The following MECOM variants were observed in gnomAD, a reference collection of about 807,000 sequenced individuals.
MECOM encodes the protein histone-lysine N-methyltransferase MECOM.
Under a neutral mutation model 116.3 loss-of-function variants are expected in MECOM, and 13 were observed. The observed-to-expected ratio is 0.11, with a 90% CI of 0.07 to 0.18. The LOEUF (loss-of-function observed/expected upper bound fraction) is 0.18, where lower values mean the gene tolerates loss of function less well. MECOM is among the 10% of genes least tolerant of loss of function. The pLI, the probability that MECOM is intolerant of heterozygous loss-of-function variation, is 1.00. For synonymous variants in MECOM, 528 were observed against 535.2 expected (o/e 0.99, Z 0.19); for missense variants, 1,299 against 1,509.0 (o/e 0.86, Z 2.31).
intron 1 of MECOM, among the ~76,000 whole-genome samples, chr3:169,416,844 C>A (rs1433022275): frequency 6.6e-6 from 1 of 152,082 alleles, no homozygotes; most frequent in Non-Finnish European, 1.5e-5. Flanking sequence ...CTGACAAAAA[C>A]AAGCAATGGG....
chr3:169,450,264 C>T (rs575106885), intron 1 of MECOM, among the ~76,000 whole-genome samples: 35 of 152,146 alleles, frequency 2.3e-4, no homozygotes, highest in African/African-American at 6.7e-4. Flanking sequence ...GAAGACTGTA[C>T]GGGAAATTCA....
At chr3:169,302,010 G>C (rs1348883432) in intron 2 of MECOM, among the ~76,000 whole-genome samples, 1 of 152,168 alleles carries the variant, frequency 6.6e-6, no homozygotes, top group African/African-American at 2.4e-5. Context: ...GGGGTTTTTA[G>C]TGAATATATG....
intron 2 of MECOM, among the ~76,000 whole-genome samples, chr3:169,364,384 T>C (rs1365552757): frequency 6.6e-6 from 1 of 151,998 alleles, no homozygotes; most frequent in Non-Finnish European, 1.5e-5. Flanking sequence ...TATATTAAAC[T>C]TGTTTATTAC....
chr3:169,172,835 C>T (rs1744636843), intron 2 of MECOM, among the ~76,000 whole-genome samples: 1 of 152,082 alleles, frequency 6.6e-6, no homozygotes, highest in Admixed American at 6.5e-5. Context: ...CTTCAATGTG[C>T]ATCAGCTTCT....
intron 1 of MECOM, among the ~76,000 whole-genome samples, chr3:169,579,711 T>C (rs1306924219): frequency 6.6e-6 from 1 of 152,218 alleles, no homozygotes; most frequent in South Asian, 2.1e-4. Flanking sequence ...GAATTCTTCC[T>C]AGCTGGGCCC....
At chr3:169,565,766 GAGTGTACACCTCA>G (rs577438939) in intron 1 of MECOM, among the ~76,000 whole-genome samples, 1 of 152,290 alleles carries the variant, frequency 6.6e-6, no homozygotes, top group Non-Finnish European at 1.5e-5. Flanking sequence ...AATCTGCCTA[GAGTGTACACCTCA>G]AGTAGTTATT....
At chr3:169,224,177 A>G (rs1435693219) in intron 2 of MECOM, among the ~76,000 whole-genome samples, 1 of 152,070 alleles carries the variant, frequency 6.6e-6, no homozygotes, top group Admixed American at 6.5e-5. Context: ...GGAGATAGAG[A>G]ACGTCAGCTC....
intron 2 of MECOM, among the ~76,000 whole-genome samples, chr3:169,297,091 G>C (rs1715757577): frequency 6.6e-6 from 1 of 152,164 alleles, no homozygotes; most frequent in Admixed American, 6.5e-5. Flanking sequence ...ACTGCAGATA[G>C]ACAAAGCCAG....
In MECOM at chr3:169,483,907, C is replaced by T. The variant is rs997875016; in HGVS notation, c.38-102383G>A. 2.5e-5 allele frequency: 41 copies of T among 1,609,180 alleles called. No individual in the cohort carries two copies. The African/African-American group carries it at 3.5e-4, about 14-fold the overall frequency. On this transcript the variant is annotated intron_variant, in intron 1 of 16. Transcript: ENST00000651503. Reference sequence around the variant, plus strand: ...CCTCCACCAAGGTTCCCAGCTTTTCCGTTCACTTTGATCCTTTCTTGCAAA... The same window carrying T: ...CCTCCACCAAGGTTCCCAGCTTTTCTGTTCACTTTGATCCTTTCTTGCAAA...
At chr3:169,635,926 T>G (rs1772690730) in intron 1 of MECOM, among the ~76,000 whole-genome samples, 2 of 152,256 alleles carry the variant, frequency 1.3e-5, no homozygotes, top group South Asian at 4.1e-4. Flanking sequence ...AATTAATTTT[T>G]TAAACCTAAA....
chr3:169,331,910 C>A (rs189068611), intron 2 of MECOM, among the ~76,000 whole-genome samples: 13 of 150,896 alleles, frequency 8.6e-5, no homozygotes, highest in Middle Eastern at 3.4e-3. Context: ...AGTCAGTGAG[C>A]AAGTGAGATG....
intron 1 of MECOM, among the ~76,000 whole-genome samples, chr3:169,659,946 T>C (rs1373946202): frequency 6.6e-6 from 1 of 152,136 alleles, no homozygotes; most frequent in East Asian, 1.9e-4. Flanking sequence ...TCGCATCGCC[T>C]TTTGAGACTT....
chr3:169,313,146 G>T (rs1719108659), intron 2 of MECOM, among the ~76,000 whole-genome samples: 1 of 152,112 alleles, frequency 6.6e-6, no homozygotes, highest in African/African-American at 2.4e-5. Context: ...AGAAAGAAAT[G>T]AATAACTGAG....
chr3:169,260,771 G>C (rs1757436028), intron 2 of MECOM, among the ~76,000 whole-genome samples: 1 of 152,200 alleles, frequency 6.6e-6, no homozygotes, highest in South Asian at 2.1e-4. Context: ...AGGAGCTTCT[G>C]AGAGAAATAA....
chr3:169,524,697 G>A (rs1272258661), intron 1 of MECOM, among the ~76,000 whole-genome samples: 1 of 152,178 alleles, frequency 6.6e-6, no homozygotes, highest in Non-Finnish European at 1.5e-5. Context: ...GGTAAGTGGT[G>A]GAGTAATTGC....
intron 1 of MECOM, among the ~76,000 whole-genome samples, chr3:169,593,348 A>G (rs571198612): frequency 2.2e-4 from 34 of 152,266 alleles, no homozygotes; most frequent in Non-Finnish European, 4.1e-4. Context: ...AGGAGCTAAC[A>G]AACTAAATTC....
At chr3:169,402,018 G>A (rs553723135) in intron 1 of MECOM, among the ~76,000 whole-genome samples, 8 of 152,268 alleles carry the variant, frequency 5.3e-5, no homozygotes, top group African/African-American at 1.9e-4. Flanking sequence ...GAAAGCAGAT[G>A]GACCAGTCAG....
At chr3:169,523,892 T>TAAAC (rs5854336) in intron 1 of MECOM, among the ~76,000 whole-genome samples, 1 of 148,768 alleles carries the variant, frequency 6.7e-6, no homozygotes. Context: ...TATATACACA[T>TAAAC]ATACATACCT....
At chr3:169,529,974 A>G (rs1044024828) in intron 1 of MECOM, among the ~76,000 whole-genome samples, 7 of 152,218 alleles carry the variant, frequency 4.6e-5, no homozygotes, top group Non-Finnish European at 1.0e-4. Flanking sequence ...TACATATTTT[A>G]AGTACAGTAC....
Sources: allele counts gnomAD v4.1 joint callset (sites outside exome capture counted in the v4.1 genomes callset), GRCh38; gene constraint gnomAD v4.1.1; transcripts MANE v1.5; gene names NCBI Gene and HGNC (gene_info 2026-07-23, HGNC 2026-07-21).